MAML2: variants seen among roughly 807,000 people sequenced by gnomAD.
MAML2 encodes the protein mastermind like transcriptional coactivator 2.
A neutral mutation model predicts 96.1 loss-of-function variants in MAML2; 22 were observed. The observed-to-expected ratio is 0.23, with a 90% CI of 0.16 to 0.33. The LOEUF is 0.33. Among genes scored for constraint, MAML2 ranks in the 10% least tolerant of loss-of-function variants. The probability of loss-of-function intolerance (pLI) is 1.00; values close to 1 mark genes in which losing one functional copy is unlikely to be tolerated. For synonymous variants in MAML2, 561 were observed against 521.3 expected (o/e 1.08, Z -1.04); for missense variants, 1,367 against 1,392.4 (o/e 0.98, Z 0.29).
intron 1 of MAML2, among the ~76,000 whole-genome samples, chr11:96,171,024 T>C (rs1327528815): frequency 6.6e-6 from 1 of 152,088 alleles, no homozygotes; most frequent in African/African-American, 2.4e-5. Flanking sequence ...CCTCTACTTT[T>C]TTTTTTTTTA....
intron 1 of MAML2, among the ~76,000 whole-genome samples, chr11:96,292,001 A>G (rs1863219945): frequency 6.6e-6 from 1 of 152,230 alleles, no homozygotes. Context: ...GAATCATGCT[A>G]TTCTTAGGAA....
intron 1 of MAML2, among the ~76,000 whole-genome samples, chr11:96,293,306 T>C (rs570177503): frequency 5.3e-5 from 8 of 152,318 alleles, no homozygotes; most frequent in Admixed American, 5.2e-4. Flanking sequence ...TCAATATAAG[T>C]GTGAGCCTGT....
intron 1 of MAML2, among the ~76,000 whole-genome samples, chr11:96,265,169 G>T (rs1193107892): frequency 2.0e-5 from 3 of 152,014 alleles, no homozygotes; most frequent in Non-Finnish European, 4.4e-5. Flanking sequence ...CCAAGCAATT[G>T]CCAGTACAAG....
At chr11:96,000,804 A>G (rs1221991694) in intron 2 of MAML2, among the ~76,000 whole-genome samples, 1 of 152,214 alleles carries the variant, frequency 6.6e-6, no homozygotes, top group African/African-American at 2.4e-5. Flanking sequence ...GATGAGGAAC[A>G]CAGATCCCAA....
At chr11:96,311,420 C>A (rs1863540189) in intron 1 of MAML2, among the ~76,000 whole-genome samples, 1 of 152,206 alleles carries the variant, frequency 6.6e-6, no homozygotes, top group Non-Finnish European at 1.5e-5. Flanking sequence ...GGAATATCTC[C>A]AACCTTGAAT....
intron 1 of MAML2, among the ~76,000 whole-genome samples, chr11:96,099,948 T>G (rs1395572565): frequency 6.6e-6 from 1 of 152,204 alleles, no homozygotes; most frequent in East Asian, 1.9e-4. Context: ...GCCCATTGAT[T>G]ATTTTCCTTT....
At chr11:95,988,677 A>G (rs967988288) in intron 3 of MAML2, among the ~76,000 whole-genome samples, 14 of 151,692 alleles carry the variant, frequency 9.2e-5, no homozygotes, top group Middle Eastern at 3.4e-3. Flanking sequence ...AACCTTGCAT[A>G]TGGACATAAC....
At chr11:95,997,672 T>A (rs1858013486) in intron 2 of MAML2, among the ~76,000 whole-genome samples, 1 of 152,166 alleles carries the variant, frequency 6.6e-6, no homozygotes, top group Non-Finnish European at 1.5e-5. Context: ...ATACACATCT[T>A]TTTCTCAAAA....
At chr11:96,280,077 C>A (rs1863043718) in intron 1 of MAML2, among the ~76,000 whole-genome samples, 1 of 152,166 alleles carries the variant, frequency 6.6e-6, no homozygotes, top group South Asian at 2.1e-4. Context: ...TCTACACAGC[C>A]ATTAACAGAC....
At chr11:96,254,035 C>T (rs575137124) in intron 1 of MAML2, among the ~76,000 whole-genome samples, 64 of 152,294 alleles carry the variant, frequency 4.2e-4, no homozygotes, top group African/African-American at 1.5e-3. Flanking sequence ...CTTACACTTT[C>T]TTTAAAGGTA....
At chr11:96,199,206 A>G (rs1861778916) in intron 1 of MAML2, among the ~76,000 whole-genome samples, 1 of 148,690 alleles carries the variant, frequency 6.7e-6, no homozygotes. Flanking sequence ...CAAAAAAAAA[A>G]AAAAAAAAAA....
At chr11:96,084,342 C>A (rs953729390) in intron 2 of MAML2, among the ~76,000 whole-genome samples, 1 of 152,132 alleles carries the variant, frequency 6.6e-6, no homozygotes, top group African/African-American at 2.4e-5. Context: ...TTTTAGAATG[C>A]TCACTCTGGT....
intron 1 of MAML2, among the ~76,000 whole-genome samples, chr11:96,093,740 T>G (rs11604349): frequency 0.34 from 52,324 of 152,102 alleles, 10,621 homozygotes; most frequent in East Asian, 0.88. Context: ...GAGGAGCAGA[T>G]CAATTAGGTT....
chr11:96,060,835 C>T (rs184971816), intron 2 of MAML2, among the ~76,000 whole-genome samples: 63 of 152,268 alleles, frequency 4.1e-4, no homozygotes, highest in African/African-American at 1.5e-3. Context: ...CCTTTTAATA[C>T]TGTAACAAAG....
chr11:96,314,095 A>G (rs1370153390), intron 1 of MAML2, among the ~76,000 whole-genome samples: 2 of 152,256 alleles, frequency 1.3e-5, no homozygotes, highest in Non-Finnish European at 2.9e-5. Flanking sequence ...AAAAAATTTC[A>G]GGCAAACTGA....
At chr11:96,087,932 G>A (rs989737271) in intron 2 of MAML2, among the ~76,000 whole-genome samples, 1 of 152,162 alleles carries the variant, frequency 6.6e-6, no homozygotes, top group African/African-American at 2.4e-5. Flanking sequence ...CCTTTCATTG[G>A]ACAATTATAA....
chr11:96,282,399 A>T (rs907933336), intron 1 of MAML2, among the ~76,000 whole-genome samples: 1 of 152,202 alleles, frequency 6.6e-6, no homozygotes, highest in Non-Finnish European at 1.5e-5. Context: ...TTTTTCAGTA[A>T]GGAACTTGGT....
chr11:96,082,361 G>A (rs1442570596), intron 2 of MAML2, among the ~76,000 whole-genome samples: 2 of 152,160 alleles, frequency 1.3e-5, no homozygotes, highest in Non-Finnish European at 2.9e-5. Flanking sequence ...GCACTGTGCT[G>A]TGGGTACTAG....
At chr11:96,016,367 T>C (rs954955357) in intron 2 of MAML2, among the ~76,000 whole-genome samples, 10 of 151,510 alleles carry the variant, frequency 6.6e-5, no homozygotes, top group African/African-American at 2.2e-4. Flanking sequence ...GATCAAAGAG[T>C]CATTCTGCCC....
Sources: gnomAD v4.1 joint callset for allele counts (sites outside exome capture counted in the v4.1 genomes callset) on GRCh38, gnomAD v4.1.1 for gene constraint, MANE v1.5 for transcripts, NCBI Gene and HGNC (gene_info 2026-07-23, HGNC 2026-07-21) for gene names.